CDKL1: variants seen among roughly 807,000 people sequenced by gnomAD.
The protein encoded by CDKL1 is cyclin-dependent kinase-like 1.
In CDKL1, 41 loss-of-function variants were observed where a neutral mutation model predicts 42.0. The ratio of observed to expected loss-of-function variants is 0.98; its 90% CI spans 0.76 to 1.27. The LOEUF is 1.27. CDKL1 is among the 50% of genes most tolerant of loss of function. The pLI is 0.00. For synonymous variants in CDKL1, 153 were observed against 158.6 expected (o/e 0.96, Z 0.26); for missense variants, 394 against 428.4 (o/e 0.92, Z 0.71).
chr14:50,333,986 G>A (rs1056906575), intron 8 of CDKL1: 2 of 151,786 alleles, frequency 1.3e-5, no homozygotes, highest in African/African-American at 4.8e-5. Flanking sequence ...AGGATTTTCT[G>A]AAGAAAAAGT....
chr14:50,360,430 C>T lies in CDKL1; in HGVS notation c.169-1281G>A, dbSNP rs181209537. Among the ~76,000 whole-genome samples, 39 of 152,204 alleles carry T rather than the reference C, an allele frequency of 2.6e-4. 1 individual carries two copies. Among genetic ancestry groups the T allele is most frequent in the African/African-American group, 4.3e-4 (18 of 41,532 alleles). On this transcript the variant is annotated intron_variant, in intron 2 of 9. Transcript: ENST00000395834. ...TATTTATTTTATTTATTTTTTGAGA[C>T]GGAGTCTCACTCTATTGCCCAGGCT...
In CDKL1 at chr14:50,395,777, G is replaced by A; in HGVS notation, c.92C>T (p.Ala31Val). The A allele has an allele frequency of 6.2e-7, 1 of 1,613,590 alleles. No individual in the cohort carries two copies. The highest frequency in any genetic ancestry group is 8.5e-7 in the Non-Finnish European group (1 of 1,179,492). ...TTCTGATTCCAGAAACTTCTTGATGGCCACAATCTGACCCGTGTCCCTGTT... is the reference window on the plus strand; with the variant it reads ...TTCTGATTCCAGAAACTTCTTGATGACCACAATCTGACCCGTGTCCCTGTT... ...CRNRDTGQIV[A>V]IKKFLESEDD... Residue 31 changes from alanine to valine, a missense_variant, in exon 2 of 10, where the codon GCC becomes GTC. Ala to Val is a moderately conservative substitution (Grantham distance 64). Coordinates refer to ENST00000395834, the MANE Select transcript of CDKL1 (RefSeq NM_004196.7).
intron 2 of CDKL1, among the ~76,000 whole-genome samples, chr14:50,394,602 G>C (rs1362739600): frequency 6.6e-6 from 1 of 152,192 alleles, no homozygotes; most frequent in Non-Finnish European, 1.5e-5. Flanking sequence ...CTCTCATCAA[G>C]TAGCTCTTCC....
intron 2 of CDKL1, chr14:50,363,971 C>T (rs1471244072): frequency 2.0e-5 from 3 of 152,382 alleles, no homozygotes; most frequent in Admixed American, 2.0e-4. Flanking sequence ...TGCCCCACCT[C>T]CAGATGTTAC....
At chr14:50,347,260 G>A (rs1219829382) in intron 3 of CDKL1, among the ~76,000 whole-genome samples, 1 of 152,090 alleles carries the variant, frequency 6.6e-6, no homozygotes, top group Non-Finnish European at 1.5e-5. Flanking sequence ...AATAAGAGGG[G>A]CCAGTTTTTC....
At chr14:50,376,873 A>G (rs2034748353) in intron 2 of CDKL1, among the ~76,000 whole-genome samples, 1 of 152,210 alleles carries the variant, frequency 6.6e-6, no homozygotes, top group African/African-American at 2.4e-5. Context: ...ATGGAAAGAA[A>G]CAAGGTCGAT....
At chr14:50,370,220 C>T (rs1446635935) in intron 2 of CDKL1, among the ~76,000 whole-genome samples, 4 of 152,080 alleles carry the variant, frequency 2.6e-5, no homozygotes, top group African/African-American at 9.7e-5. Flanking sequence ...AGGTGCCTGC[C>T]ACCATGCCTG....
intron 2 of CDKL1, among the ~76,000 whole-genome samples, chr14:50,371,527 T>C (rs561255035): frequency 9.2e-5 from 14 of 152,260 alleles, no homozygotes; most frequent in Admixed American, 2.6e-4. Context: ...ATGTCCTCTT[T>C]TGAGAGATGT....
intron 2 of CDKL1, among the ~76,000 whole-genome samples, chr14:50,394,323 C>T (rs1038851938): frequency 9.2e-5 from 14 of 152,234 alleles, no homozygotes; most frequent in African/African-American, 3.4e-4. Flanking sequence ...CTCACCCCTG[C>T]CCATGGGAGC....
chr14:50,382,248 C>T (rs2034930405), intron 2 of CDKL1, among the ~76,000 whole-genome samples: 1 of 152,034 alleles, frequency 6.6e-6, no homozygotes, highest in Non-Finnish European at 1.5e-5. Context: ...GTCACGAGAT[C>T]GAGACCATCC....
intron 4 of CDKL1, chr14:50,342,532 T>C (rs931252324): frequency 1.4e-6 from 1 of 691,396 alleles, no homozygotes; most frequent in Admixed American, 4.6e-5. Flanking sequence ...CAAATAATTT[T>C]TTTAGGATAA....
Position 50,332,382 on chromosome 14 carries a change from C to T in CDKL1, c.846G>A (p.Leu282=), listed in dbSNP as rs374375430. The change falls in exon 9 of 10, where the codon TTG becomes TTA. Residue 282 remains leucine, a synonymous_variant. Transcript: ENST00000395834. The part of the protein sequence containing the change: ...PTQRLTCEQL[L]HHPYFENIRE... ...TGATGTTTTCAAAATATGGGTGATG[C>T]AACAGCTGTTCACATGTCAGCCTTT... 10 of 1,614,174 alleles carry T rather than the reference C, an allele frequency of 6.2e-6. No homozygotes were observed. The highest frequency in any genetic ancestry group is 8.5e-6 in the Non-Finnish European group (10 of 1,180,028).
intron 2 of CDKL1, among the ~76,000 whole-genome samples, chr14:50,384,285 C>A (rs1166418070): frequency 6.6e-6 from 1 of 152,236 alleles, no homozygotes; most frequent in Non-Finnish European, 1.5e-5. Flanking sequence ...CCCAAACTGG[C>A]AGCTTATATG....
At chr14:50,387,966 G>A (rs1009456937) in intron 2 of CDKL1, among the ~76,000 whole-genome samples, 2 of 152,146 alleles carry the variant, frequency 1.3e-5, no homozygotes, top group African/African-American at 2.4e-5. Context: ...GCTCTATCTC[G>A]ACTCACCGCC....
At chr14:50,397,056 A>G, upstream of CDKL1, 1 of 1,322,726 alleles carries the variant, frequency 7.6e-7, no homozygotes, top group Non-Finnish European at 1.0e-6. Context: ...AGCTGTCCTG[A>G]CCGCGGGCCG....
Position 50,341,151 on chromosome 14 carries a change from T to G in CDKL1, c.536A>C (p.Tyr179Ser). The change falls in exon 6 of 10, where the codon TAC (tyrosine) becomes TCC (serine). Residue 179 changes from tyrosine (Y) to serine (S), a missense_variant. Physicochemically the swap from Tyr to Ser is moderately radical, Grantham distance 144. Transcript: ENST00000395834. ...SPELLVGDTQ[Y>S]GPPVDVWAIG... Reference sequence around the variant, plus strand: ...TGCCCAAACATCCACCGGGGGGCCGTACTGCGTGTCCCCCACCAGCAGCTC... The same window carrying G: ...TGCCCAAACATCCACCGGGGGGCCGGACTGCGTGTCCCCCACCAGCAGCTC... The G allele has an allele frequency of 1.2e-6, 2 of 1,614,176 alleles. No individual in the cohort carries two copies. The highest frequency in any genetic ancestry group is 1.6e-4 in the Middle Eastern group (1 of 6,062).
chr14:50,345,113 C>T (rs2033684309), intron 3 of CDKL1, 55 bp from the exon 4 acceptor site: 5 of 1,515,826 alleles, frequency 3.3e-6, no homozygotes, highest in East Asian at 2.3e-5. Flanking sequence ...TGGAATTCAG[C>T]TCAAGAAAAG....
chr14:50,389,927 C>T (rs2035203796), intron 2 of CDKL1, among the ~76,000 whole-genome samples: 1 of 152,150 alleles, frequency 6.6e-6, no homozygotes, highest in African/African-American at 2.4e-5. Flanking sequence ...GTCTGCATTC[C>T]AGCTTACTGA....
At chr14:50,390,313 G>C in intron 2 of CDKL1, 12 of 1,366,414 alleles carry the variant, frequency 8.8e-6, no homozygotes, top group Non-Finnish European at 1.1e-5. Context: ...GGATCCCACA[G>C]TGACACTGTC....
Sources: allele counts gnomAD v4.1 joint callset (sites outside exome capture counted in the v4.1 genomes callset), GRCh38; gene constraint gnomAD v4.1.1; transcripts MANE v1.5; gene names NCBI Gene and HGNC (gene_info 2026-07-23, HGNC 2026-07-21).